NLGN1: variants seen among roughly 807,000 people sequenced by gnomAD.
NLGN1 encodes neuroligin 1, also known as neuroligin-1.
In NLGN1, 12 loss-of-function variants were observed where a neutral mutation model predicts 65.5. That is an observed-to-expected ratio of 0.18 (90% CI 0.12 to 0.30). NLGN1 has a LOEUF of 0.30. NLGN1 is among the 10% of genes least tolerant of loss of function. The pLI, the probability that NLGN1 is intolerant of heterozygous loss-of-function variation, is 1.00. For synonymous variants in NLGN1, 350 were observed against 359.5 expected (o/e 0.97, Z 0.30); for missense variants, 750 against 1,007.1 (o/e 0.74, Z 3.46).
chr3:174,172,214 T>C (rs1728676042), intron 4 of NLGN1, among the ~76,000 whole-genome samples: 1 of 152,150 alleles, frequency 6.6e-6, no homozygotes, highest in Admixed American at 6.6e-5. Flanking sequence ...GATATTTTGA[T>C]ATAGGCGTGC....
At chr3:173,477,090 A>G (rs1457240149) in intron 2 of NLGN1, among the ~76,000 whole-genome samples, 1 of 152,112 alleles carries the variant, frequency 6.6e-6, no homozygotes, top group Admixed American at 6.6e-5. Flanking sequence ...AGCCAGTTGG[A>G]TATATTGCTC....
chr3:173,470,557 G>A (rs891056674), intron 2 of NLGN1, among the ~76,000 whole-genome samples: 1 of 152,100 alleles, frequency 6.6e-6, no homozygotes, highest in Non-Finnish European at 1.5e-5. Flanking sequence ...CCATGTGAAT[G>A]TGAGCAATTT....
rs1173387022 is a variant in NLGN1, at chr3:173,630,075, G to C, written c.493+24984G>C. On this transcript the variant is annotated intron_variant, in intron 3 of 6. Coordinates refer to ENST00000457714, the Ensembl canonical transcript of NLGN1. ...GTCTTTAGAATAAACTATGTTCCTAGGTTACATGTGAGACGTGTCTGGGAT... is the reference window on the plus strand; with the variant it reads ...GTCTTTAGAATAAACTATGTTCCTACGTTACATGTGAGACGTGTCTGGGAT... Among the ~76,000 whole-genome samples the C allele has an allele frequency of 5.3e-5, 8 of 152,232 alleles. No homozygotes were observed. In the East Asian group the frequency reaches 1.5e-3, roughly 29 times the overall value.
At position 174,279,099 on chromosome 3, in the gene NLGN1, A is replaced by T. The variant is rs1751125131; in HGVS notation, c.1098A>T (p.Pro366=). ...CTGTGATTGATGGTGATGTAATACC[A>T]GACGACCCCCAGATATTGATGGAGC... The change falls in exon 6 of 7, where the codon CCA becomes CCT. Residue 366 remains proline, a synonymous_variant. Transcript: ENST00000457714. The surrounding 1 kb of genome is among the most constrained non-coding windows in gnomAD (Gnocchi z 4.7). 6.2e-7 allele frequency: 1 copy of T among 1,613,310 alleles called. No homozygotes were observed. Among genetic ancestry groups the T allele is most frequent in the African/African-American group, 1.3e-5 (1 of 74,848 alleles).
At chr3:173,521,783 T>A (rs1421801218) in intron 2 of NLGN1, among the ~76,000 whole-genome samples, 1 of 152,242 alleles carries the variant, frequency 6.6e-6, no homozygotes, top group Non-Finnish European at 1.5e-5. Flanking sequence ...GTTAATACTA[T>A]GAGGTATATT....
intron 2 of NLGN1, among the ~76,000 whole-genome samples, chr3:173,603,410 T>C (rs1396055759): frequency 2.0e-5 from 3 of 151,284 alleles, no homozygotes; most frequent in Non-Finnish European, 4.4e-5. Flanking sequence ...TGATTATTTT[T>C]TTAATCACCA....
At chr3:173,769,519 A>G (rs1435953513) in intron 3 of NLGN1, among the ~76,000 whole-genome samples, 1 of 152,188 alleles carries the variant, frequency 6.6e-6, no homozygotes, top group Non-Finnish European at 1.5e-5. Flanking sequence ...CTGACAACTC[A>G]TGCATGTGCC....
At chr3:173,533,238 A>T (rs1230973283) in intron 2 of NLGN1, among the ~76,000 whole-genome samples, 2 of 152,226 alleles carry the variant, frequency 1.3e-5, no homozygotes, top group Admixed American at 1.3e-4. Flanking sequence ...TAGAAAATTT[A>T]AAAAAGCAAA....
At chr3:173,524,196 G>T (rs1327731987) in intron 2 of NLGN1, among the ~76,000 whole-genome samples, 1 of 151,992 alleles carries the variant, frequency 6.6e-6, no homozygotes, top group Admixed American at 6.6e-5. Context: ...AAAGTGCTGG[G>T]ATTACAGGTG....
chr3:174,213,136 C>G (rs1737004382), intron 4 of NLGN1, among the ~76,000 whole-genome samples: 2 of 152,146 alleles, frequency 1.3e-5, no homozygotes, highest in Admixed American at 1.3e-4. Context: ...TCATCAGAGG[C>G]CTTTTTTCTG....
intron 4 of NLGN1, among the ~76,000 whole-genome samples, chr3:174,062,630 A>G (rs1342417993): frequency 1.3e-5 from 2 of 152,076 alleles, no homozygotes; most frequent in Admixed American, 6.6e-5. Flanking sequence ...AGTGTATGTC[A>G]TATATATCAT....
At chr3:173,976,872 G>A (rs531257599) in intron 4 of NLGN1, among the ~76,000 whole-genome samples, 1 of 152,096 alleles carries the variant, frequency 6.6e-6, no homozygotes, top group African/African-American at 2.4e-5. Flanking sequence ...TACTCAGTGT[G>A]TATATTTTCA....
intron 4 of NLGN1, among the ~76,000 whole-genome samples, chr3:174,181,778 TACACAC>T (rs3035853): frequency 3.5e-5 from 5 of 142,578 alleles, no homozygotes; most frequent in East Asian, 2.1e-4. Flanking sequence ...AAAATAAAAA[TACACAC>T]ACACACACAC....
chr3:174,227,863 T>C (rs1401158012), intron 4 of NLGN1, among the ~76,000 whole-genome samples: 1 of 152,148 alleles, frequency 6.6e-6, no homozygotes, highest in East Asian at 1.9e-4. Context: ...TATGAAAATA[T>C]GTGGTGTATT....
Position 174,144,372 on chromosome 3 carries a change from A to T in NLGN1, c.647-130943A>T, listed in dbSNP as rs189663964. 2.6e-5 allele frequency among the ~76,000 whole-genome samples: 4 copies of T among 152,310 alleles called. No homozygotes were observed. In the East Asian group the frequency reaches 7.7e-4, roughly 29 times the overall value. The stretch of plus-strand genomic sequence containing the variant: ...GCTATTGTGAATCATGCTGCAATAA[A>T]CATACATGTGCATGTGTCTTTATAG... On this transcript the variant is annotated intron_variant, in intron 4 of 6. Transcript: ENST00000457714.
chr3:173,583,848 C>T (rs1221372706), intron 2 of NLGN1, among the ~76,000 whole-genome samples: 2 of 152,024 alleles, frequency 1.3e-5, no homozygotes, highest in African/African-American at 4.8e-5. Context: ...ACTAAAAGTC[C>T]CAAATGAGTA....
chr3:174,068,076 C>T (rs1739029965), intron 4 of NLGN1, among the ~76,000 whole-genome samples: 1 of 152,002 alleles, frequency 6.6e-6, no homozygotes, highest in Admixed American at 6.6e-5. Flanking sequence ...AGTGGGTGTC[C>T]TTGCTTTGAC....
intron 2 of NLGN1, among the ~76,000 whole-genome samples, chr3:173,549,988 A>G (rs188058725): frequency 1.6e-4 from 25 of 152,174 alleles, no homozygotes; most frequent in Non-Finnish European, 3.4e-4. Context: ...AAAATGTAGA[A>G]GATGACGAGG....
intron 2 of NLGN1, among the ~76,000 whole-genome samples, chr3:173,467,365 T>C: frequency 6.6e-6 from 1 of 152,236 alleles, no homozygotes; most frequent in Middle Eastern, 3.4e-3. Flanking sequence ...ACCTCATATA[T>C]CTCTTTCTAC....
Sources: allele counts gnomAD v4.1 joint callset (sites outside exome capture counted in the v4.1 genomes callset), GRCh38; gene constraint gnomAD v4.1.1; non-coding constraint Gnocchi (gnomAD v3.1); transcripts MANE v1.5; gene names NCBI Gene and HGNC (gene_info 2026-07-23, HGNC 2026-07-21).